Variants in TMEM265 observed in about 807,000 individuals in gnomAD.
TMEM265 encodes the protein transmembrane protein 265.
TMEM265 carries 8 observed loss-of-function variants against 9.5 expected under a neutral mutation model. That is an observed-to-expected ratio of 0.84 (90% CI 0.49 to 1.52). The LOEUF is 1.52. TMEM265 is among the 40% of genes most tolerant of loss of function. The pLI, the probability that TMEM265 is intolerant of heterozygous loss-of-function variation, is 0.00. For synonymous variants in TMEM265, 53 were observed against 56.9 expected (o/e 0.93, Z 0.31); for missense variants, 152 against 146.2 (o/e 1.04, Z -0.21).
rs1408612138 is a variant in TMEM265 at position 30,741,867 on chromosome 16, T to G, written c.124T>G (p.Cys42Gly). Reference protein sequence around the residue: ...CLAATSIICGCSCLGVMALVF... With the variant: ...CLAATSIICGGSCLGVMALVF... Reference sequence around the variant, plus strand: ...GGCAGCTACTAGCATTATCTGTGGCTGCTCTTGCCTGGGAGTCATGGCTCT... The same window carrying G: ...GGCAGCTACTAGCATTATCTGTGGCGGCTCTTGCCTGGGAGTCATGGCTCT... Residue 42 changes from cysteine (C) to glycine (G), a missense_variant, in exon 2 of 3, where the codon TGC becomes GGC. Physicochemically the swap from Cys to Gly is radical, Grantham distance 159 (BLOSUM62 -3). Transcript: ENST00000615541. 1.3e-6 allele frequency: 2 copies of G among 1,533,872 alleles called. No homozygotes were observed. The highest frequency in any genetic ancestry group is 2.7e-5 in the African/African-American group (2 of 72,992).
chr16:30,741,914 G>C lies in TMEM265; in HGVS notation c.165+6G>C, dbSNP rs2053229047. On this transcript the variant is annotated splice_donor_region_variant and intron_variant, in intron 2 of 2. Transcript: ENST00000615541. ...CTCTGGTGTTTGCCATCAAGGTGAG[G>C]AGTGCAATTCCCATGGGAATGGGGG... The C allele has an allele frequency of 6.5e-7, 1 of 1,533,572 alleles. No individual in the cohort carries two copies. Among genetic ancestry groups the C allele is most frequent in the East Asian group, 2.4e-5 (1 of 40,908 alleles). 95.0% of individuals were successfully genotyped at this position (1,533,572 alleles called of 1,614,324 possible).
At chr16:30,743,620 C>A (rs1053128454) in intron 2 of TMEM265, among the ~76,000 whole-genome samples, 162 bp from the exon 3 acceptor site, 10 of 152,068 alleles carry the variant, frequency 6.6e-5, no homozygotes, top group African/African-American at 2.2e-4. Context: ...AGATGGGTAC[C>A]TTATTTTGCA....
At chr16:30,743,747 A>T (rs1567257246) in intron 2 of TMEM265, 35 bp from the exon 3 acceptor site, 1 of 1,489,216 alleles carries the variant, frequency 6.7e-7, no homozygotes, top group Admixed American at 2.1e-5. Flanking sequence ...GGGCAGAAGC[A>T]GGGGGAGAAC....
intron 2 of TMEM265, 114 bp downstream of exon 2, chr16:30,742,022 G>A (rs1208655090): frequency 8.8e-7 from 1 of 1,136,458 alleles, no homozygotes; most frequent in African/African-American, 1.6e-5. Flanking sequence ...TGGGCCTAGT[G>A]CCAGAAATAA....
intron 1 of TMEM265, chr16:30,741,291 G>A (rs909766473): frequency 6.5e-6 from 1 of 153,654 alleles, no homozygotes; most frequent in Non-Finnish European, 1.4e-5. Context: ...CTTGAAACGG[G>A]TTGCAGTACC....
rs1004191675 is a variant in TMEM265 at position 30,741,876 on chromosome 16, C to G, written c.133C>G (p.Leu45Val). 1.3e-6 allele frequency: 2 copies of G among 1,533,924 alleles called. No homozygotes were observed. The change falls in exon 2 of 3, where the codon CTG (leucine) becomes GTG (valine). Residue 45 changes from leucine (L) to valine (V), a missense_variant. By Grantham distance (32) the Leu-to-Val change is conservative. Coordinates refer to ENST00000615541, the MANE Select transcript of TMEM265 (RefSeq NM_001256829.2). Reference sequence around the variant, plus strand: ...TAGCATTATCTGTGGCTGCTCTTGCCTGGGAGTCATGGCTCTGGTGTTTGC... The same window carrying G: ...TAGCATTATCTGTGGCTGCTCTTGCGTGGGAGTCATGGCTCTGGTGTTTGC... ...ATSIICGCSC[L>V]GVMALVFAIK...
rs150866674 is a variant in TMEM265, at chr16:30,742,653, C to T, written c.165+745C>T. ...TTAGAAACAGCACATGTCCGCCGGG[C>T]GTGGTGACTTAGGCCTGTAATCCCA... On this transcript the variant is annotated intron_variant, in intron 2 of 2. Coordinates refer to ENST00000615541, the MANE Select transcript of TMEM265 (RefSeq NM_001256829.2). Among the ~76,000 whole-genome samples the T allele has an allele frequency of 9.0e-4, 137 of 151,910 alleles. 1 individual carries two copies. Among genetic ancestry groups the T allele is most frequent in the African/African-American group, 3.2e-3 (131 of 41,422 alleles).
intron 2 of TMEM265, among the ~76,000 whole-genome samples, chr16:30,742,484 TAGGA>T (rs1355843689): frequency 6.6e-6 from 1 of 152,086 alleles, no homozygotes; most frequent in Non-Finnish European, 1.5e-5. Flanking sequence ...ATTTGAGTTT[TAGGA>T]AGATCCACTC....
intron 2 of TMEM265, among the ~76,000 whole-genome samples, chr16:30,742,985 A>T (rs963594614): frequency 6.6e-6 from 1 of 152,130 alleles, no homozygotes. Context: ...ACACAGGCTA[A>T]CTTAAACTTC....
chr16:30,744,100 AAGGAGGGCAGCAGCTGAGACTGATGAG>A lies in TMEM265; in HGVS notation c.*169_*195del. 1.2e-6 allele frequency: 1 copy of A among 837,242 alleles called. No individual in the cohort carries two copies. Among genetic ancestry groups the A allele is most frequent in the Non-Finnish European group, 1.8e-6 (1 of 570,726 alleles). 51.9% of individuals were successfully genotyped at this position (837,242 alleles called of 1,614,324 possible). On this transcript the variant is annotated 3_prime_UTR_variant, in exon 3 of 3. Transcript: ENST00000615541. ...GAAGAGCTCTTCTAGCCCTTTATAA[AAGGAGGGCAGCAGCTGAGACTGATGAG>A]AGGAGGGCAGCCTGCTCTGTTCTTT...
intron 2 of TMEM265, among the ~76,000 whole-genome samples, chr16:30,742,515 G>A (rs1223777195): frequency 6.6e-6 from 1 of 152,206 alleles, no homozygotes; most frequent in Admixed American, 6.5e-5. Context: ...CCTACATCGA[G>A]GGTGAATTGG....
At position 30,744,104 on chromosome 16, in the gene TMEM265, A is replaced by T. The variant is rs1567257428; in HGVS notation, c.*161A>T. On this transcript the variant is annotated 3_prime_UTR_variant, in exon 3 of 3. Transcript: ENST00000615541. ...AGCTCTTCTAGCCCTTTATAAAAGGAGGGCAGCAGCTGAGACTGATGAGAG... is the reference window on the plus strand; with the variant it reads ...AGCTCTTCTAGCCCTTTATAAAAGGTGGGCAGCAGCTGAGACTGATGAGAG... 1 of 832,756 alleles carries T rather than the reference A, an allele frequency of 1.2e-6. No homozygotes were observed. Among genetic ancestry groups the T allele is most frequent in the Non-Finnish European group, 1.8e-6 (1 of 565,130 alleles). 51.6% of individuals were successfully genotyped at this position (832,756 alleles called of 1,614,324 possible). A position where few individuals can be genotyped will look rare whatever the true frequency, so the allele number is the denominator to read the frequency against.
rs543421964 is a variant in TMEM265 at position 30,744,752 on chromosome 16, G to T, written c.*809G>T. 1.3e-5 allele frequency: 2 copies of T among 152,350 alleles called. No homozygotes were observed. The highest frequency in any genetic ancestry group is 1.9e-4 in the East Asian group (1 of 5,190). The allele number at this position is 152,350 out of a possible 1,614,324, so 9.4% of individuals were successfully genotyped here. ...AGGTCCTCAGCTACTAAATGGTAGAGCTGAGACTGAACCCAGACAGTTTGG... is the reference window on the plus strand; with the variant it reads ...AGGTCCTCAGCTACTAAATGGTAGATCTGAGACTGAACCCAGACAGTTTGG... On this transcript the variant is annotated 3_prime_UTR_variant, in exon 3 of 3. Coordinates refer to ENST00000615541, the MANE Select transcript of TMEM265 (RefSeq NM_001256829.2).
chr16:30,742,002 A>G (rs540548814), intron 2 of TMEM265, 94 bp downstream of exon 2: 23 of 1,281,310 alleles, frequency 1.8e-5, no homozygotes, highest in South Asian at 1.6e-4. Context: ...CTGAATACCT[A>G]TCAGTGCTCT....
rs2053228477 is a variant in TMEM265, at chr16:30,741,843, G to A, written c.100G>A (p.Ala34Thr). The A allele has an allele frequency of 6.5e-7, 1 of 1,533,866 alleles. No individual in the cohort carries two copies. The highest frequency in any genetic ancestry group is 8.7e-7 in the Non-Finnish European group (1 of 1,146,746). ...RCCWLRLRCL[A>T]ATSIICGCSC... ...CTGCTGGCTCCGCCTCCGCTGCTTG[G>A]CAGCTACTAGCATTATCTGTGGCTG... Residue 34 changes from alanine (A) to threonine (T), a missense_variant, in exon 2 of 3, where the codon GCA becomes ACA. Physicochemically the swap from Ala to Thr is moderately conservative, Grantham distance 58 (BLOSUM62 0). Transcript: ENST00000615541.
At chr16:30,742,902 G>A (rs1292886405) in intron 2 of TMEM265, among the ~76,000 whole-genome samples, 7 of 147,106 alleles carry the variant, frequency 4.8e-5, no homozygotes, top group Non-Finnish European at 9.0e-5. Flanking sequence ...CTCCAGCCTG[G>A]TGACAAAGCA....
rs1320351281 is a variant in TMEM265, at chr16:30,744,288, T to C, written c.*345T>C. The C allele has an allele frequency of 5.5e-6, 1 of 182,186 alleles. No homozygotes were observed. The highest frequency in any genetic ancestry group is 1.1e-5 in the Non-Finnish European group (1 of 88,436). 11.3% of individuals were successfully genotyped at this position (182,186 alleles called of 1,614,324 possible). ...GCCTTTTTTAGTGGTGAAATACTCC[T>C]GTCTAATTGTTCTCCTCCTGCTTTC... is the stretch of plus-strand genomic sequence containing the variant. On this transcript the variant is annotated 3_prime_UTR_variant, in exon 3 of 3. Transcript: ENST00000615541.
At position 30,743,847 on chromosome 16, in the gene TMEM265, ACT is replaced by A; in HGVS notation, c.233_234del (p.Leu78HisfsTer30). The A allele has an allele frequency of 6.5e-7, 1 of 1,533,546 alleles. No homozygotes were observed. The allele number at this position is 1,533,546 out of a possible 1,614,324, so 95.0% of individuals were successfully genotyped here. The part of the protein sequence containing the change: ...AVRWGARARK[L>X]ILASFAVWLA... ...TGCGCTGGGGGGCCCGGGCCCGGAA[ACT>A]CATCCTGGCCAGCTTTGCTGTCTGG... On this transcript the variant is annotated frameshift_variant, in exon 3 of 3. Coordinates refer to ENST00000615541, the MANE Select transcript of TMEM265 (RefSeq NM_001256829.2). LOFTEE classifies it high-confidence loss of function.
Position 30,744,177 on chromosome 16 carries a change from C to T in TMEM265, c.*234C>T. The T allele has an allele frequency of 2.3e-6, 1 of 441,926 alleles. No homozygotes were observed. The highest frequency in any genetic ancestry group is 4.0e-6 in the Non-Finnish European group (1 of 253,082). 27.4% of individuals were successfully genotyped at this position (441,926 alleles called of 1,614,324 possible). Reference sequence around the variant, plus strand: ...TCAGGGCCCCCCACCCCCATCTCCCCTACCCTAGCCCACCCTAGGGCCTCT... The same window carrying T: ...TCAGGGCCCCCCACCCCCATCTCCCTTACCCTAGCCCACCCTAGGGCCTCT... On this transcript the variant is annotated 3_prime_UTR_variant, in exon 3 of 3. Transcript: ENST00000615541.
Sources: allele counts gnomAD v4.1 joint callset (sites outside exome capture counted in the v4.1 genomes callset), GRCh38; gene constraint gnomAD v4.1.1; transcripts MANE v1.5; gene names NCBI Gene and HGNC (gene_info 2026-07-23, HGNC 2026-07-21).